Variants in ANAPC4 observed in about 807,000 individuals in gnomAD.
The protein encoded by ANAPC4 is anaphase-promoting complex subunit 4.
In ANAPC4, 63 loss-of-function variants were observed where a neutral mutation model predicts 119.8. The observed-to-expected ratio is 0.53, with a 90% confidence interval of 0.43 to 0.65. The LOEUF (loss-of-function observed/expected upper bound fraction) is 0.65. ANAPC4 is among the 30% of genes least tolerant of loss of function. The pLI is 0.00. For missense variants in ANAPC4, 716 were observed against 945.1 expected (o/e 0.76, Z 3.18); for synonymous variants, 283 against 318.6 (o/e 0.89, Z 1.19).
At chr4:25,389,159 ATT>A (rs113710613) in intron 7 of ANAPC4, among the ~76,000 whole-genome samples, 4 of 132,164 alleles carry the variant, frequency 3.0e-5, no homozygotes. Context: ...CACCCAGCTA[ATT>A]TTTTTTTTTT....
rs149636736 is a variant in ANAPC4 at position 25,405,366 on chromosome 4, G to C, written c.1271-207G>C. 2.0e-5 allele frequency among the ~76,000 whole-genome samples: 3 copies of C among 152,208 alleles called. No individual in the cohort carries two copies. The highest frequency in any genetic ancestry group is 7.2e-5 in the African/African-American group (3 of 41,520). ...GAAAAAGAATAGTTTAGAATGGTTAGACCAACAATTTTGAACCTGAAAATA... is the reference window on the plus strand; with the variant it reads ...GAAAAAGAATAGTTTAGAATGGTTACACCAACAATTTTGAACCTGAAAATA... On this transcript the variant is annotated intron_variant, in intron 17 of 28. Transcript: ENST00000315368. The surrounding 1 kb of genome is among the most constrained non-coding windows in gnomAD (Gnocchi z 4.6).
At chr4:25,416,638 G>GT (rs759669938) in intron 27 of ANAPC4, 40 bp downstream of exon 27, 15 of 1,413,062 alleles carry the variant, frequency 1.1e-5, no homozygotes, top group Non-Finnish European at 1.4e-5. Flanking sequence ...ACAGTTAAAT[G>GT]TTTTTTTAAT....
At position 25,388,492 on chromosome 4, in the gene ANAPC4, CT is replaced by C; in HGVS notation, c.369-3del. On this transcript the variant is annotated splice_region_variant and splice_polypyrimidine_tract_variant and intron_variant, in intron 4 of 28. Transcript: ENST00000315368. ...GTTTTTATAATGCTTTTATTTTTTC[CT>C]TTTTAGTGTTCTCACATCATTTTAT... is the stretch of plus-strand genomic sequence containing the variant. 1 of 1,554,366 alleles carries C rather than the reference CT, an allele frequency of 6.4e-7. No individual in the cohort carries two copies. Among genetic ancestry groups the C allele is most frequent in the African/African-American group, 1.4e-5 (1 of 72,930 alleles).
rs772014876 is a variant in ANAPC4 at position 25,380,460 on chromosome 4, A to G, written c.216A>G (p.Ala72=). Residue 72 remains alanine, a synonymous_variant, in exon 3 of 29, where the codon GCA becomes GCG. Transcript: ENST00000315368. The part of the protein sequence containing the change: ...ENTGKEVTCL[A]WRPDGKLLAF... Reference sequence around the variant, plus strand: ...CAGGAAAGGAGGTGACGTGTCTGGCATGGAGACCAGATGGCAAACGTAATG... The same window carrying G: ...CAGGAAAGGAGGTGACGTGTCTGGCGTGGAGACCAGATGGCAAACGTAATG... 24 of 1,610,766 alleles carry G rather than the reference A, an allele frequency of 1.5e-5. No homozygotes were observed. The highest frequency in any genetic ancestry group is 1.9e-5 in the Non-Finnish European group (22 of 1,178,462).
chr4:25,417,541 TA>T, intron 27 of ANAPC4, 74 bp from the exon 28 acceptor site: 1 of 1,437,450 alleles, frequency 7.0e-7, no homozygotes, highest in Non-Finnish European at 9.2e-7. Flanking sequence ...TAATTGACCC[TA>T]ATACCACCTG....
chr4:25,413,719 G>T lies in ANAPC4; in HGVS notation c.1600G>T (p.Asp534Tyr). Residue 534 changes from aspartate (D) to tyrosine (Y), a missense_variant, in exon 22 of 29, where the codon GAT becomes TAT. By Grantham distance (160) the Asp-to-Tyr change is radical (BLOSUM62 -3). Around this residue, in one of 3 missense-constraint regions of ANAPC4, gnomAD observed 504 missense variants for 615.8 expected, o/e 0.82. Coordinates refer to ENST00000315368, the MANE Select transcript of ANAPC4 (RefSeq NM_013367.3). The stretch of plus-strand genomic sequence containing the variant: ...GAAAAGGCGGATGGAGAATATTATT[G>T]ATCAGTGTTTGCAAAAGCCAGCAGT... ...FVKRRMENII[D>Y]QCLQKPADVI... is the part of the protein sequence containing the mutation. 1 of 1,613,070 alleles carries T rather than the reference G, an allele frequency of 6.2e-7. No individual in the cohort carries two copies. Among genetic ancestry groups the T allele is most frequent in the South Asian group, 1.1e-5 (1 of 90,876 alleles).
chr4:25,396,006 T>G (rs140041140), intron 14 of ANAPC4, among the ~76,000 whole-genome samples: 30 of 152,344 alleles, frequency 2.0e-4, no homozygotes, highest in African/African-American at 5.3e-4. Context: ...TGATGGCCAT[T>G]TAGTTTCTCC....
intron 14 of ANAPC4, among the ~76,000 whole-genome samples, chr4:25,395,612 G>T (rs2109124862): frequency 6.6e-6 from 1 of 152,180 alleles, no homozygotes; most frequent in Non-Finnish European, 1.5e-5. Flanking sequence ...ACTACGCCTG[G>T]CTAATTTTTG....
At chr4:25,383,528 T>G in intron 4 of ANAPC4, 135 bp downstream of exon 4, 1 of 757,084 alleles carries the variant, frequency 1.3e-6, no homozygotes, top group Non-Finnish European at 1.9e-6. Context: ...CAAGATGAAA[T>G]TTTTTAATGC....
In ANAPC4 at chr4:25,418,293, G is replaced by A. The variant is rs756665756; in HGVS notation, c.2338G>A (p.Glu780Lys). ...KIKEEVLSES[E>K]AENQQAGAAA... The stretch of plus-strand genomic sequence containing the variant: ...AAAGGAAGAAGTGTTGTCGGAGTCA[G>A]AGGCAGAGAACCAACAAGCTGGTGC... The change falls in exon 29 of 29, where the codon GAG becomes AAG. Residue 780 changes from glutamate (E) to lysine (K), a missense_variant. By Grantham distance (56) the Glu-to-Lys change is moderately conservative (BLOSUM62 1). Transcript: ENST00000315368. 3 of 1,614,070 alleles carry A rather than the reference G, an allele frequency of 1.9e-6. No homozygotes were observed. Among genetic ancestry groups the A allele is most frequent in the Non-Finnish European group, 2.5e-6 (3 of 1,179,970 alleles).
chr4:25,388,969 A>G, intron 7 of ANAPC4, 87 bp downstream of exon 7: 1 of 1,115,066 alleles, frequency 9.0e-7, no homozygotes, highest in Non-Finnish European at 1.3e-6. Flanking sequence ...CAAATCCTTT[A>G]TTTGCCATTT....
Position 25,394,683 on chromosome 4 carries a change from G to C in ANAPC4, c.954G>C (p.Gln318His). 6.2e-7 allele frequency: 1 copy of C among 1,600,274 alleles called. No individual in the cohort carries two copies. Among genetic ancestry groups the C allele is most frequent in the Non-Finnish European group, 8.5e-7 (1 of 1,176,086 alleles). Reference protein sequence around the residue: ...LLWGKASAELQTLLMNQLTVK... With the variant: ...LLWGKASAELHTLLMNQLTVK... Reference sequence around the variant, plus strand: ...TTTTTCATTGTAGTGCTGAACTTCAGACTCTCTTGATGAATCAGTTAACAG... The same window carrying C: ...TTTTTCATTGTAGTGCTGAACTTCACACTCTCTTGATGAATCAGTTAACAG... Residue 318 changes from glutamine (Q) to histidine (H), a missense_variant, in exon 13 of 29, where the codon CAG becomes CAC. Physicochemically the swap from Gln to His is conservative, Grantham distance 24. Transcript: ENST00000315368.
At chr4:25,403,165 A>C in intron 17 of ANAPC4, 139 bp downstream of exon 17, 1 of 539,120 alleles carries the variant, frequency 1.9e-6, no homozygotes, top group Non-Finnish European at 3.0e-6. Flanking sequence ...TGTACCTTTC[A>C]CCTAGCTTCA....
chr4:25,401,659 A>T (rs371310571), intron 16 of ANAPC4, among the ~76,000 whole-genome samples: 1 of 152,178 alleles, frequency 6.6e-6, no homozygotes, highest in Non-Finnish European at 1.5e-5. Flanking sequence ...AAGCCACATC[A>T]GTCACTTTTG....
Position 25,414,470 on chromosome 4 carries a change from G to C in ANAPC4, c.1690G>C (p.Asp564His). The C allele has an allele frequency of 6.2e-7, 1 of 1,600,208 alleles. No individual in the cohort carries two copies. The highest frequency in any genetic ancestry group is 8.5e-7 in the Non-Finnish European group (1 of 1,169,802). Residue 564 changes from aspartate (D) to histidine (H), a missense_variant, in exon 24 of 29, where the codon GAT becomes CAT. By Grantham distance (81) the Asp-to-His change is moderately conservative. Around this residue, in one of 3 missense-constraint regions of ANAPC4, gnomAD observed 504 missense variants for 615.8 expected, o/e 0.82. Transcript: ENST00000315368. ...IPLYRDTRSE[D>H]STRRLFKFPF... is the part of the protein sequence containing the mutation. ...TCTTTTTCCCTTTTATTTTAGTGAG[G>C]ATTCTACACGTAGATTGTTCAAATT...
intron 20 of ANAPC4, 146 bp downstream of exon 20, chr4:25,407,399 A>T: frequency 1.8e-6 from 1 of 565,854 alleles, no homozygotes; most frequent in Non-Finnish European, 2.9e-6. Context: ...AAACATTTTG[A>T]TCTGAGAACA....
intron 3 of ANAPC4, among the ~76,000 whole-genome samples, chr4:25,380,959 T>C (rs777099871): frequency 3.3e-5 from 5 of 152,210 alleles, no homozygotes; most frequent in Admixed American, 6.5e-5. Context: ...CTTCCATTTC[T>C]GTGTGTGATC....
intron 18 of ANAPC4, among the ~76,000 whole-genome samples, chr4:25,406,325 A>G (rs1174191098): frequency 2.0e-5 from 3 of 152,166 alleles, no homozygotes; most frequent in African/African-American, 7.2e-5. Context: ...TGTTAGCTTT[A>G]TTTTGGGAGT....
intron 16 of ANAPC4, among the ~76,000 whole-genome samples, chr4:25,397,614 A>G (rs1346586457): frequency 2.0e-5 from 3 of 152,170 alleles, no homozygotes; most frequent in African/African-American, 7.2e-5. Flanking sequence ...CACTTAATTG[A>G]CAGCTGGCTT....
Sources: gnomAD v4.1 joint callset for allele counts (sites outside exome capture counted in the v4.1 genomes callset) on GRCh38, gnomAD v4.1.1 for gene constraint, gnomAD v4.1.1 regional missense constraint, Gnocchi (gnomAD v3.1) non-coding constraint, MANE v1.5 for transcripts, NCBI Gene and HGNC (gene_info 2026-07-23, HGNC 2026-07-21) for gene names.